The following TUSC3 variants were observed in gnomAD, a reference collection of about 807,000 sequenced individuals.
The protein encoded by TUSC3 is dolichyl-diphosphooligosaccharide--protein glycosyltransferase subunit TUSC3.
TUSC3 carries 45 observed loss-of-function variants against 44.8 expected under a neutral mutation model. The ratio of observed to expected loss-of-function variants is 1.00; its 90% CI spans 0.79 to 1.29. The LOEUF (loss-of-function observed/expected upper bound fraction) is 1.29. Ranked by LOEUF, TUSC3 falls within the 50% of genes most tolerant of loss-of-function variation. TUSC3 has a pLI of 0.00. For synonymous variants in TUSC3, 212 were observed against 152.9 expected, an observed-to-expected ratio of 1.39 and a Z score of -2.85; for missense variants, 519 against 437.9, an observed-to-expected ratio of 1.19 and a Z score of -1.65.
intron 2 of TUSC3, among the ~76,000 whole-genome samples, chr8:15,648,792 C>T (rs55713110): frequency 7.4e-6 from 1 of 135,064 alleles, no homozygotes; most frequent in Non-Finnish European, 1.5e-5. Context: ...ATCTTGTTAT[C>T]ACGTACCATA....
chr8:15,575,412 A>C (rs1197731280), intron 1 of TUSC3, among the ~76,000 whole-genome samples: 1 of 152,136 alleles, frequency 6.6e-6, no homozygotes, highest in Non-Finnish European at 1.5e-5. Flanking sequence ...CTAAATATCT[A>C]ACATATGTGT....
chr8:15,617,424 C>A (rs1468633802), intron 1 of TUSC3, among the ~76,000 whole-genome samples: 8 of 152,034 alleles, frequency 5.3e-5, no homozygotes, highest in African/African-American at 1.4e-4. Context: ...AGGCGTGAGC[C>A]ACCGCGCCTG....
At chr8:15,640,488 A>T in intron 2 of TUSC3, among the ~76,000 whole-genome samples, 2 of 152,322 alleles carry the variant, frequency 1.3e-5, no homozygotes, top group Middle Eastern at 3.4e-3. Context: ...CAACCTTTTA[A>T]TAATTCTGAA....
At chr8:15,737,978 A>G (rs1315587331) in intron 7 of TUSC3, among the ~76,000 whole-genome samples, 4 of 152,134 alleles carry the variant, frequency 2.6e-5, no homozygotes, top group Non-Finnish European at 4.4e-5. Context: ...ACGATTCTCA[A>G]CTCAACTCCT....
chr8:15,654,099 GA>G (rs1033447337), intron 3 of TUSC3, among the ~76,000 whole-genome samples: 1 of 152,180 alleles, frequency 6.6e-6, no homozygotes, highest in Non-Finnish European at 1.5e-5. Flanking sequence ...TTTTAATTAA[GA>G]AAAAAGACTG....
chr8:15,770,306 G>C (rs1470583150), downstream of TUSC3, among the ~76,000 whole-genome samples: 1 of 152,090 alleles, frequency 6.6e-6, no homozygotes, highest in African/African-American at 2.4e-5. Context: ...ACTAACACAG[G>C]AACAGAAAAC....
chr8:15,719,724 T>C (rs1001487389), intron 6 of TUSC3, among the ~76,000 whole-genome samples: 1 of 152,108 alleles, frequency 6.6e-6, no homozygotes, highest in Non-Finnish European at 1.5e-5. Flanking sequence ...CTTTAACTTA[T>C]TATAACTACC....
intron 1 of TUSC3, among the ~76,000 whole-genome samples, chr8:15,418,212 G>C (rs1799684655): frequency 6.6e-6 from 1 of 152,192 alleles, no homozygotes; most frequent in South Asian, 2.1e-4. Flanking sequence ...GGGTTGGTCA[G>C]CTCCTATAGT....
At position 15,655,763 on chromosome 8, in the gene TUSC3, A is replaced by C. The variant is rs376371385; in HGVS notation, c.427-3744A>C. ...CTAACACTAATATATGTAGCTGTTTAGCTCTATTCCTGATGGATAAATATA... is the reference window on the plus strand; with the variant it reads ...CTAACACTAATATATGTAGCTGTTTCGCTCTATTCCTGATGGATAAATATA... On this transcript the variant is annotated intron_variant, in intron 3 of 10. Transcript: ENST00000503731. 2.2e-4 allele frequency among the ~76,000 whole-genome samples: 34 copies of C among 152,328 alleles called. 1 individual carries two copies. In the South Asian group the frequency reaches 7.1e-3, roughly 32 times the overall value.
intron 2 of TUSC3, among the ~76,000 whole-genome samples, chr8:15,512,931 CATATAT>C (rs10696221): frequency 3.5e-4 from 39 of 110,590 alleles, no homozygotes; most frequent in African/African-American, 1.4e-3. Context: ...TATATATAAT[CATATAT>C]ATATATATAT....
At chr8:15,474,888 C>G (rs1034008684) in intron 1 of TUSC3, among the ~76,000 whole-genome samples, 1 of 152,168 alleles carries the variant, frequency 6.6e-6, no homozygotes, top group African/African-American at 2.4e-5. Context: ...TCCTAACAAC[C>G]AGCATTATCA....
At chr8:15,639,910 A>G (rs1806286798) in intron 2 of TUSC3, among the ~76,000 whole-genome samples, 1 of 151,966 alleles carries the variant, frequency 6.6e-6, no homozygotes, top group Admixed American at 6.6e-5. Flanking sequence ...TGAACAAAAT[A>G]ATATTCTTTT....
intron 9 of TUSC3, among the ~76,000 whole-genome samples, chr8:15,751,984 A>G (rs941448357): frequency 6.6e-6 from 1 of 152,160 alleles, no homozygotes; most frequent in Non-Finnish European, 1.5e-5. Context: ...TTGAGTTGTT[A>G]AATGCTTTAT....
At chr8:15,445,419 C>T (rs1215315422) in intron 1 of TUSC3, among the ~76,000 whole-genome samples, 1 of 151,894 alleles carries the variant, frequency 6.6e-6, no homozygotes, top group Non-Finnish European at 1.5e-5. Flanking sequence ...AGCAGATAAA[C>T]ATGTGAACAA....
At chr8:15,551,214 C>A (rs143871010) in intron 1 of TUSC3, among the ~76,000 whole-genome samples, 28 of 151,682 alleles carry the variant, frequency 1.8e-4, no homozygotes, top group African/African-American at 6.7e-4. Flanking sequence ...GTTTTTCTGG[C>A]ATATCTTTAA....
At chr8:15,718,940 GT>G (rs1810180914) in intron 6 of TUSC3, among the ~76,000 whole-genome samples, 1 of 151,838 alleles carries the variant, frequency 6.6e-6, no homozygotes, top group Non-Finnish European at 1.5e-5. Flanking sequence ...ACATATATAT[GT>G]ATATATTTTT....
chr8:15,797,548 G>T, the TUSC3 span, among the ~76,000 whole-genome samples: 1 of 152,170 alleles, frequency 6.6e-6, no homozygotes, highest in African/African-American at 2.4e-5. Context: ...CACTGAGGAT[G>T]AACATTCTGA....
At chr8:15,425,750 C>T (rs548938807) in intron 1 of TUSC3, among the ~76,000 whole-genome samples, 16 of 152,324 alleles carry the variant, frequency 1.1e-4, no homozygotes, top group African/African-American at 3.6e-4. Context: ...GAAATTTCTG[C>T]ACTAGTTAAC....
chr8:15,631,263 G>C (rs1345594817), intron 2 of TUSC3, among the ~76,000 whole-genome samples: 1 of 152,166 alleles, frequency 6.6e-6, no homozygotes, highest in Non-Finnish European at 1.5e-5. Context: ...GAAGGCATAT[G>C]ACGTAACTTT....
Sources: allele counts gnomAD v4.1 joint callset (sites outside exome capture counted in the v4.1 genomes callset), GRCh38; gene constraint gnomAD v4.1.1; transcripts MANE v1.5; gene names NCBI Gene and HGNC (gene_info 2026-07-23, HGNC 2026-07-21).